The following TSHZ3 variants were observed in gnomAD, a reference collection of about 807,000 sequenced individuals.
TSHZ3 encodes the protein teashirt zinc finger homeobox 3.
In TSHZ3, 10 loss-of-function variants were observed where a neutral mutation model predicts 64.5. The observed-to-expected ratio is 0.16, with a 90% CI of 0.10 to 0.26. The LOEUF (loss-of-function observed/expected upper bound fraction) is 0.26, where lower values mean the gene tolerates loss of function less well. Among genes scored for constraint, TSHZ3 ranks in the 10% least tolerant of loss-of-function variants. The probability of loss-of-function intolerance (pLI) is 1.00; values close to 1 mark genes in which losing one functional copy is unlikely to be tolerated. For missense variants in TSHZ3, 1,242 were observed against 1,421.7 expected (o/e 0.87, Z 2.03); for synonymous variants, 608 against 593.1 (o/e 1.03, Z -0.36).
intron 3 of TSHZ3, among the ~76,000 whole-genome samples, chr19:31,237,704 CT>C (rs1206220941): frequency 1.3e-5 from 2 of 151,982 alleles, no homozygotes; most frequent in Non-Finnish European, 2.9e-5. Context: ...GGTATTAAAC[CT>C]TTTTCTTTTC....
intron 1 of TSHZ3, among the ~76,000 whole-genome samples, chr19:31,322,702 G>T (rs576970893): frequency 8.5e-5 from 13 of 152,344 alleles, no homozygotes; most frequent in Admixed American, 5.9e-4. Flanking sequence ...TTACAGGCAT[G>T]GGCCACCATC....
intron 4 of TSHZ3, among the ~76,000 whole-genome samples, chr19:31,219,154 A>T (rs2145166417): frequency 6.6e-6 from 1 of 152,304 alleles, no homozygotes; most frequent in Middle Eastern, 3.4e-3. Flanking sequence ...GTATAAAATC[A>T]GTGTTTCTGG....
At chr19:31,348,086 C>T (rs1335448383) in intron 1 of TSHZ3, among the ~76,000 whole-genome samples, 9 of 152,234 alleles carry the variant, frequency 5.9e-5, no homozygotes, top group Non-Finnish European at 1.0e-4. Context: ...AACCTCTGCA[C>T]ATCTGAGTGT....
At chr19:31,270,531 T>C (rs1297644009), downstream of TSHZ3, among the ~76,000 whole-genome samples, 1 of 152,168 alleles carries the variant, frequency 6.6e-6, no homozygotes, top group Non-Finnish European at 1.5e-5. Flanking sequence ...GGTTGGTCAC[T>C]ATGTTGCCCC....
At chr19:31,168,421 A>T (rs116737080) in intron 5 of TSHZ3, among the ~76,000 whole-genome samples, 2,267 of 152,322 alleles carry the variant, frequency 0.015, 63 homozygotes, top group African/African-American at 0.051. Context: ...TAGTTCTAGC[A>T]TATGTGCTCA....
chr19:31,320,126 C>A (rs1916721881), intron 1 of TSHZ3, among the ~76,000 whole-genome samples: 1 of 152,186 alleles, frequency 6.6e-6, no homozygotes, highest in Non-Finnish European at 1.5e-5. Context: ...CATGTAGGTT[C>A]TTAAGTATAA....
At chr19:31,206,733 T>A (rs1259785835) in intron 4 of TSHZ3, among the ~76,000 whole-genome samples, 1 of 152,252 alleles carries the variant, frequency 6.6e-6, no homozygotes, top group Non-Finnish European at 1.5e-5. Context: ...ATTTAATTCA[T>A]ACAAAATCTT....
At position 31,277,875 on chromosome 19, in the gene TSHZ3, G is replaced by T; in HGVS notation, c.1918C>A (p.Arg640=). The stretch of plus-strand genomic sequence containing the variant: ...CTGCTACATGGGGAGGGAGTGGCCC[G>T]CTTGGGCGGGGAAAGCTTCCCATCC... ...EPDGKLSPPK[R]ATPSPCSSEV... is the part of the protein sequence containing the mutation. The change falls in exon 2 of 2, where the codon CGG becomes AGG. Residue 640 remains arginine (R), a synonymous_variant. Coordinates refer to ENST00000240587, the MANE Select transcript of TSHZ3 (RefSeq NM_020856.4). The surrounding 1 kb of genome is among the most constrained non-coding windows in gnomAD (Gnocchi z 4.5). The T allele has an allele frequency of 2.5e-6, 4 of 1,608,656 alleles. No individual in the cohort carries two copies. The highest frequency in any genetic ancestry group is 3.4e-6 in the Non-Finnish European group (4 of 1,177,646).
At chr19:31,280,512 G>A (rs1158033340) in intron 1 of TSHZ3, among the ~76,000 whole-genome samples, 3 of 152,038 alleles carry the variant, frequency 2.0e-5, no homozygotes, top group Admixed American at 2.0e-4. Flanking sequence ...TCAGCCACCT[G>A]TGCACACACA....
At chr19:31,213,400 G>C (rs984667135) in intron 4 of TSHZ3, among the ~76,000 whole-genome samples, 2 of 129,626 alleles carry the variant, frequency 1.5e-5, no homozygotes, top group East Asian at 4.8e-4. Flanking sequence ...AATCAGTGGT[G>C]TCCAGGGGTA....
At chr19:31,242,273 T>C (rs192957268) in exon 3 of TSHZ3, among the ~76,000 whole-genome samples, 28 of 152,246 alleles carry the variant, frequency 1.8e-4, no homozygotes, top group African/African-American at 6.7e-4. Flanking sequence ...GCTCACATGA[T>C]TATGGAGGCT....
At chr19:31,162,372 C>T (rs894001747) in intron 5 of TSHZ3, among the ~76,000 whole-genome samples, 4 of 152,066 alleles carry the variant, frequency 2.6e-5, no homozygotes, top group Non-Finnish European at 5.9e-5. Flanking sequence ...TTGCTATTAT[C>T]GGGCTGTCAG....
chr19:31,287,419 T>C (rs1392218262), intron 1 of TSHZ3, among the ~76,000 whole-genome samples: 1 of 152,004 alleles, frequency 6.6e-6, no homozygotes. Flanking sequence ...TGGTCATCCA[T>C]CCATAAGGAG....
In TSHZ3 at chr19:31,294,413, G is replaced by A. The variant is rs183396050; in HGVS notation, c.41-14661C>T. Among the ~76,000 whole-genome samples, 113 of 152,136 alleles carry A rather than the reference G, an allele frequency of 7.4e-4. 1 individual carries two copies. Among genetic ancestry groups the A allele is most frequent in the Admixed American group, 1.3e-3 (20 of 15,274 alleles). On this transcript the variant is annotated intron_variant, in intron 1 of 1. Transcript: ENST00000240587. ...CCCAGCACTCAGCCAGCGGCACTCAGTCAGCACTTAGCCAGTACTCAGCAC... is the reference window on the plus strand; with the variant it reads ...CCCAGCACTCAGCCAGCGGCACTCAATCAGCACTTAGCCAGTACTCAGCAC...
At chr19:31,156,714 T>G (rs1210314574) in intron 5 of TSHZ3, among the ~76,000 whole-genome samples, 1 of 152,152 alleles carries the variant, frequency 6.6e-6, no homozygotes, top group East Asian at 1.9e-4. Context: ...GGATTTTTTT[T>G]TCTTAAGATA....
At chr19:31,329,440 G>A (rs1917014094) in intron 1 of TSHZ3, among the ~76,000 whole-genome samples, 1 of 152,214 alleles carries the variant, frequency 6.6e-6, no homozygotes. Flanking sequence ...CCCTGGCAAT[G>A]GGCACGCTCA....
chr19:31,279,040 G>C lies in TSHZ3; in HGVS notation c.753C>G (p.Pro251=), dbSNP rs375634411. 1.1e-5 allele frequency: 18 copies of C among 1,614,066 alleles called. No homozygotes were observed. Among genetic ancestry groups the C allele is most frequent in the Non-Finnish European group, 1.5e-5 (18 of 1,179,948 alleles). ...GTTTGCGAGGCTTGGACCAGCGCTT[G>C]GGGTTGTTGTTATCGGTCTCATGGT... is the stretch of plus-strand genomic sequence containing the variant. ...DDNHETDNNN[P]KRWSKPRKRS... Residue 251 remains proline (P), a synonymous_variant, in exon 2 of 2, where the codon CCC becomes CCG. Coordinates refer to ENST00000240587, the MANE Select transcript of TSHZ3 (RefSeq NM_020856.4). The surrounding 1 kb of genome is among the most constrained non-coding windows in gnomAD (Gnocchi z 6.4).
chr19:31,197,653 A>T (rs981723449), intron 5 of TSHZ3, among the ~76,000 whole-genome samples: 1 of 151,960 alleles, frequency 6.6e-6, no homozygotes, highest in Non-Finnish European at 1.5e-5. Context: ...CATTCAAAGC[A>T]TAATAAAGAA....
At chr19:31,244,580 A>G (rs1975735588) in intron 1 of TSHZ3, among the ~76,000 whole-genome samples, 1 of 152,220 alleles carries the variant, frequency 6.6e-6, no homozygotes, top group Non-Finnish European at 1.5e-5. Context: ...ACATCCAAAT[A>G]TGGAAGATTG....
Sources: gnomAD v4.1 joint callset for allele counts (sites outside exome capture counted in the v4.1 genomes callset) on GRCh38, gnomAD v4.1.1 for gene constraint, Gnocchi (gnomAD v3.1) non-coding constraint, MANE v1.5 for transcripts, NCBI Gene and HGNC (gene_info 2026-07-23, HGNC 2026-07-21) for gene names.